The following LNPK variants were observed in gnomAD, a reference collection of about 807,000 sequenced individuals.
The protein encoded by LNPK is lunapark, ER junction formation factor, also known as endoplasmic reticulum junction formation protein lunapark.
Under a neutral mutation model 55.2 loss-of-function variants are expected in LNPK, and 29 were observed. That is an observed-to-expected ratio of 0.53 (90% CI 0.39 to 0.72). The LOEUF (loss-of-function observed/expected upper bound fraction) is 0.72. Ranked by LOEUF, LNPK falls within the 30% of genes least tolerant of loss-of-function variation. LNPK has a pLI of 0.00. For missense variants in LNPK, 467 were observed against 494.8 expected (o/e 0.94, Z 0.53); for synonymous variants, 162 against 168.2 (o/e 0.96, Z 0.29).
At chr2:175,979,768 G>T in intron 5 of LNPK, 42 bp downstream of exon 5, 1 of 1,392,114 alleles carries the variant, frequency 7.2e-7, no homozygotes, top group Non-Finnish European at 9.7e-7. Flanking sequence ...TCTAAAATAG[G>T]TATTTTAAAA....
chr2:175,934,179 T>C (rs1057346928), intron 12 of LNPK, among the ~76,000 whole-genome samples: 2 of 152,116 alleles, frequency 1.3e-5, no homozygotes, highest in East Asian at 1.9e-4. Context: ...TAAGTAAATA[T>C]AAACAAAGGT....
intron 12 of LNPK, among the ~76,000 whole-genome samples, chr2:175,933,651 T>A (rs997127909): frequency 1.3e-5 from 2 of 151,608 alleles, no homozygotes; most frequent in Admixed American, 6.6e-5. Flanking sequence ...TAACCACTCA[T>A]AATAGCTAGT....
chr2:175,961,835 GA>G (rs1686045990), intron 8 of LNPK, among the ~76,000 whole-genome samples: 1 of 152,184 alleles, frequency 6.6e-6, no homozygotes, highest in South Asian at 2.1e-4. Context: ...TCCCTAAGCT[GA>G]TAAGCAATTT....
At chr2:175,936,317 T>A (rs986240672) in intron 12 of LNPK, among the ~76,000 whole-genome samples, 4 of 152,080 alleles carry the variant, frequency 2.6e-5, no homozygotes, top group Admixed American at 6.6e-5. Context: ...TAAAAAAAAA[T>A]ATCGATACTC....
intron 8 of LNPK, among the ~76,000 whole-genome samples, chr2:175,954,959 C>T (rs1035021065): frequency 2.0e-5 from 3 of 152,042 alleles, no homozygotes; most frequent in African/African-American, 7.2e-5. Flanking sequence ...TGGGAGCCAA[C>T]AAAGTACTAT....
At chr2:175,967,292 T>C (rs1574862817) in intron 6 of LNPK, among the ~76,000 whole-genome samples, 1 of 152,164 alleles carries the variant, frequency 6.6e-6, no homozygotes, top group East Asian at 1.9e-4. Flanking sequence ...TACATGATTC[T>C]ATTAAGAGTC....
chr2:175,925,560 T>C lies in LNPK; in HGVS notation c.*4407A>G, dbSNP rs1683973185. On this transcript the variant is annotated 3_prime_UTR_variant, in exon 13 of 13. Transcript: ENST00000272748. ...TGCCAGCCATAACTAGGAGCAAAAT[T>C]ACACAGGGCTTTGCAGGCCTTATTA... 6.6e-6 allele frequency: 1 copy of C among 152,120 alleles called. No homozygotes were observed. The highest frequency in any genetic ancestry group is 1.5e-5 in the Non-Finnish European group (1 of 68,084). The allele number at this position is 152,120 out of a possible 1,614,324, so 9.4% of individuals were successfully genotyped here.
intron 12 of LNPK, among the ~76,000 whole-genome samples, chr2:175,936,121 A>G (rs1684533078): frequency 6.6e-6 from 1 of 152,176 alleles, no homozygotes; most frequent in Admixed American, 6.6e-5. Context: ...TAAGCAAAAG[A>G]AAAAAATTGA....
intron 4 of LNPK, among the ~76,000 whole-genome samples, chr2:175,991,000 T>G (rs1430041906): frequency 6.6e-6 from 1 of 152,176 alleles, no homozygotes; most frequent in Non-Finnish European, 1.5e-5. Context: ...ACAATTAGTA[T>G]ATAATTTATT....
At chr2:175,950,464 T>C (rs930218828) in intron 8 of LNPK, among the ~76,000 whole-genome samples, 1 of 152,128 alleles carries the variant, frequency 6.6e-6, no homozygotes. Flanking sequence ...CCCAATTACC[T>C]TGATTTAATC....
At chr2:176,000,630 T>C (rs774746616) in intron 1 of LNPK, among the ~76,000 whole-genome samples, 1 of 152,224 alleles carries the variant, frequency 6.6e-6, no homozygotes, top group Non-Finnish European at 1.5e-5. Context: ...CTTGTAGGTC[T>C]TTGAAGGAAA....
In LNPK at chr2:175,995,649, A is replaced by AC. The variant is rs1388786128; in HGVS notation, c.-62-4_-62-3insG. 1 of 1,343,502 alleles carries AC rather than the reference A, an allele frequency of 7.4e-7. No individual in the cohort carries two copies. The highest frequency in any genetic ancestry group is 1.4e-5 in the African/African-American group (1 of 69,240). The allele number at this position is 1,343,502 out of a possible 1,614,324, so 83.2% of individuals were successfully genotyped here. On this transcript the variant is annotated splice_region_variant and splice_polypyrimidine_tract_variant and intron_variant, in intron 1 of 12. Transcript: ENST00000272748. ...CAATTGTCCAAAGGAATTCACAGCT[A>AC]GAAATAAAGCAAGTATTTAAAATGT...
intron 5 of LNPK, among the ~76,000 whole-genome samples, chr2:175,975,039 A>G (rs1420686925): frequency 7.1e-6 from 1 of 141,500 alleles, no homozygotes; most frequent in African/African-American, 2.6e-5. Flanking sequence ...CTATCTTGCT[A>G]TTCCTTGGAG....
At chr2:175,970,725 A>G in intron 6 of LNPK, 39 bp downstream of exon 6, 1 of 1,074,758 alleles carries the variant, frequency 9.3e-7, no homozygotes, top group Admixed American at 3.4e-5. Context: ...AGTTCTTATT[A>G]GTTTAATATA....
chr2:175,943,446 G>A (rs1381448363), intron 9 of LNPK, among the ~76,000 whole-genome samples: 6 of 151,760 alleles, frequency 4.0e-5, no homozygotes, highest in Admixed American at 1.3e-4. Flanking sequence ...ACAAAGATAT[G>A]ACAAGGAAAA....
rs1683952376 is a variant in LNPK at position 175,925,121 on chromosome 2, A to G, written c.*4846T>C. ...CAGCATACTATATTTTATGAAAATC[A>G]TCATATAATCAGAATATCTTTCCCC... On this transcript the variant is annotated 3_prime_UTR_variant, in exon 13 of 13. Coordinates refer to ENST00000272748, the MANE Select transcript of LNPK (RefSeq NM_030650.3). 6.6e-6 allele frequency: 1 copy of G among 152,194 alleles called. No homozygotes were observed. The highest frequency in any genetic ancestry group is 6.5e-5 in the Admixed American group (1 of 15,280). The allele number at this position is 152,194 out of a possible 1,614,324, so 9.4% of individuals were successfully genotyped here. A position where few individuals can be genotyped will look rare whatever the true frequency, so the allele number is the denominator to read the frequency against.
rs1684075940 is a variant in LNPK, at chr2:175,927,776, GT to G, written c.*2190del. The G allele has an allele frequency of 6.6e-6, 1 of 151,458 alleles. No homozygotes were observed. Among genetic ancestry groups the G allele is most frequent in the South Asian group, 2.1e-4 (1 of 4,812 alleles). The allele number at this position is 151,458 out of a possible 1,614,324, so 9.4% of individuals were successfully genotyped here. On this transcript the variant is annotated 3_prime_UTR_variant, in exon 13 of 13. Coordinates refer to ENST00000272748, the MANE Select transcript of LNPK (RefSeq NM_030650.3). Reference sequence around the variant, plus strand: ...TTTTACTAAGTTTCAACCATTAACTGTTTATTATAATAATAATGAAAATAAG... The same window carrying G: ...TTTTACTAAGTTTCAACCATTAACTGTTATTATAATAATAATGAAAATAAG...
At chr2:176,001,058 A>G (rs1406477369) in intron 1 of LNPK, among the ~76,000 whole-genome samples, 1 of 152,230 alleles carries the variant, frequency 6.6e-6, no homozygotes, top group Non-Finnish European at 1.5e-5. Context: ...TATAAACACT[A>G]TATAAGTTTA....
At chr2:175,990,162 A>C (rs991336832) in intron 4 of LNPK, among the ~76,000 whole-genome samples, 5 of 152,204 alleles carry the variant, frequency 3.3e-5, no homozygotes, top group Admixed American at 1.3e-4. Flanking sequence ...TCATGTTGAA[A>C]TTTGTCCCCC....
Sources: allele counts gnomAD v4.1 joint callset (sites outside exome capture counted in the v4.1 genomes callset), GRCh38; gene constraint gnomAD v4.1.1; transcripts MANE v1.5; gene names NCBI Gene and HGNC (gene_info 2026-07-23, HGNC 2026-07-21).